ITSN2: variants seen among roughly 807,000 people sequenced by gnomAD.
ITSN2 encodes the protein intersectin-2.
A neutral mutation model predicts 243.7 loss-of-function variants in ITSN2; 156 were observed. The ratio of observed to expected loss-of-function variants is 0.64; its 90% CI spans 0.56 to 0.73. The LOEUF (loss-of-function observed/expected upper bound fraction) is 0.73, where lower values mean the gene tolerates loss of function less well. Among genes scored for constraint, ITSN2 ranks in the 30% least tolerant of loss-of-function variants. ITSN2 has a pLI of 0.00. For missense variants in ITSN2, 1,801 were observed against 1,996.1 expected (o/e 0.90, Z 1.86); for synonymous variants, 703 against 699.9 (o/e 1.00, Z -0.07).
At chr2:24,316,858 C>T (rs889431484) in intron 2 of ITSN2, among the ~76,000 whole-genome samples, 1 of 152,154 alleles carries the variant, frequency 6.6e-6, no homozygotes, top group African/African-American at 2.4e-5. Flanking sequence ...TTCTGCCCAT[C>T]GGAGCCTCTA....
chr2:24,210,275 C>A, intron 34 of ITSN2: 1 of 502,892 alleles, frequency 2.0e-6, no homozygotes, highest in Non-Finnish European at 3.6e-6. Flanking sequence ...ATTCAAAGAA[C>A]TCAAAACAAA....
intron 1 of ITSN2, among the ~76,000 whole-genome samples, chr2:24,356,337 C>T (rs1388328099): frequency 7.9e-6 from 1 of 127,298 alleles, no homozygotes; most frequent in Non-Finnish European, 1.6e-5. Context: ...CAGAGCAAGA[C>T]CCTGTCTCAA....
rs761114130 is a variant in ITSN2 at position 24,299,923 on chromosome 2, T to C, written c.1330A>G (p.Ile444Val). Residue 444 changes from isoleucine (I) to valine (V), a missense_variant, in exon 12 of 40, where the codon ATA becomes GTA. Transcript: ENST00000355123. ...RQREEERRKDIERREAAKQEL... is the reference protein window; with the variant it reads ...RQREEERRKDVERREAAKQEL... ...TTAAAAATAACCTCTCGTCTTTCTA[T>C]GTCTTTTCTCCTTTCTTCCTCTCGT... is the stretch of plus-strand genomic sequence containing the variant. 3.7e-6 allele frequency: 6 copies of C among 1,605,008 alleles called. No individual in the cohort carries two copies. Among genetic ancestry groups the C allele is most frequent in the African/African-American group, 1.3e-5 (1 of 74,188 alleles).
Position 24,259,807 on chromosome 2 carries a change from A to G in ITSN2, c.2682+1299T>C, listed in dbSNP as rs922575648. On this transcript the variant is annotated intron_variant, in intron 22 of 39. Transcript: ENST00000355123. ...AATTGAGTAAGATGATCTCTTCTATATATACCCCCTACAGACCTTGTAGAT... is the reference window on the plus strand; with the variant it reads ...AATTGAGTAAGATGATCTCTTCTATGTATACCCCCTACAGACCTTGTAGAT... 2.0e-5 allele frequency among the ~76,000 whole-genome samples: 3 copies of G among 152,146 alleles called. No homozygotes were observed. In the South Asian group the frequency reaches 6.2e-4, roughly 32 times the overall value.
chr2:24,275,575 A>C (rs1302552490), intron 18 of ITSN2, 138 bp downstream of exon 18: 1 of 545,094 alleles, frequency 1.8e-6, no homozygotes, highest in Non-Finnish European at 2.9e-6. Context: ...GATCCCTAAA[A>C]GGACTGAACT....
intron 2 of ITSN2, among the ~76,000 whole-genome samples, chr2:24,324,811 C>A (rs780208890): frequency 6.8e-5 from 9 of 133,210 alleles, no homozygotes; most frequent in Admixed American, 2.6e-4. Flanking sequence ...AATGTTCATG[C>A]CACTGTACTC....
intron 18 of ITSN2, among the ~76,000 whole-genome samples, chr2:24,274,652 A>T (rs1331132463): frequency 1.3e-5 from 2 of 152,196 alleles, no homozygotes; most frequent in African/African-American, 4.8e-5. Flanking sequence ...TATTAGAATT[A>T]TGAGGAGTAA....
chr2:24,210,816 C>G lies in ITSN2; in HGVS notation c.4221G>C (p.Trp1407Cys). The change falls in exon 34 of 40, where the codon TGG becomes TGC. Residue 1407 changes from tryptophan (W) to cysteine (C), a missense_variant. Trp to Cys is a radical substitution (Grantham distance 215). Around this residue, in one of 5 missense-constraint regions of ITSN2, gnomAD observed 928 missense variants for 1,065.4 expected, o/e 0.87. Coordinates refer to ENST00000355123, the MANE Select transcript of ITSN2 (RefSeq NM_006277.3). ...REKENSDRLE[W>C]IQAHVQCEGL... ...CTTCACACTGCACGTGCGCCTGGAT[C>G]CACTCCAGTCGGTCCGAGTTTTCCT... The G allele has an allele frequency of 6.2e-7, 1 of 1,614,056 alleles. No homozygotes were observed. Among genetic ancestry groups the G allele is most frequent in the South Asian group, 1.1e-5 (1 of 91,080 alleles).
chr2:24,316,382 G>A (rs1683932699), intron 2 of ITSN2, among the ~76,000 whole-genome samples: 1 of 152,144 alleles, frequency 6.6e-6, no homozygotes, highest in African/African-American at 2.4e-5. Context: ...CTGGGTTCAA[G>A]CAATTCTCCT....
At chr2:24,233,417 A>G (rs760416673) in intron 29 of ITSN2, among the ~76,000 whole-genome samples, 3 of 152,034 alleles carry the variant, frequency 2.0e-5, no homozygotes, top group Non-Finnish European at 2.9e-5. Context: ...ATGTAACTTG[A>G]CCAGCTTGGA....
chr2:24,227,873 C>A (rs549627863), intron 29 of ITSN2, among the ~76,000 whole-genome samples: 1 of 151,788 alleles, frequency 6.6e-6, no homozygotes, highest in Non-Finnish European at 1.5e-5. Flanking sequence ...GAGCCAAGAT[C>A]GTGCCATTGC....
rs1174619662 is a variant in ITSN2 at position 24,216,099 on chromosome 2, G to A, written c.3940C>T (p.Leu1314=). Residue 1314 remains leucine, a synonymous_variant, in exon 32 of 40, where the codon CTG becomes TTG. Transcript: ENST00000355123. Reference sequence around the variant, plus strand: ...TCTTCATCTGTCTTCTGCTGTAACAGAGCTGCTCCATTAAGCTGGCAGCTG... The same window carrying A: ...TCTTCATCTGTCTTCTGCTGTAACAAAGCTGCTCCATTAAGCTGGCAGCTG... ...FCSCQLNGAA[L]LQQKTDEDTD... 1 of 1,612,788 alleles carries A rather than the reference G, an allele frequency of 6.2e-7. No individual in the cohort carries two copies. Among genetic ancestry groups the A allele is most frequent in the South Asian group, 1.1e-5 (1 of 90,900 alleles).
At chr2:24,243,433 C>A (rs964995508) in intron 29 of ITSN2, among the ~76,000 whole-genome samples, 1 of 151,930 alleles carries the variant, frequency 6.6e-6, no homozygotes, top group South Asian at 2.1e-4. Context: ...AAAATCATTG[C>A]GTAGGTCAAT....
At chr2:24,301,117 C>CT (rs752694319) in intron 11 of ITSN2, 37 bp downstream of exon 11, 15 of 1,084,096 alleles carry the variant, frequency 1.4e-5, no homozygotes. Context: ...TTTAAAAGAA[C>CT]TCAGTATAAA....
At chr2:24,266,424 G>A (rs1442872724) in intron 20 of ITSN2, among the ~76,000 whole-genome samples, 5 of 151,804 alleles carry the variant, frequency 3.3e-5, no homozygotes, top group African/African-American at 1.2e-4. Flanking sequence ...TTATGTTTAT[G>A]GTAAATAATT....
rs1361655818 is a variant in ITSN2 at position 24,249,528 on chromosome 2, A to G, written c.3121-646T>C. ...AAAAAGAATTTTGTTCTGTTAGTGA[A>G]CATAGCTGCAGTACAAGTATTAAGC... On this transcript the variant is annotated intron_variant, in intron 25 of 39. Coordinates refer to ENST00000355123, the MANE Select transcript of ITSN2 (RefSeq NM_006277.3). This position sits in a 1 kb window ranked among gnomAD's most constrained non-coding sequence, Gnocchi z 4.4. 6.6e-6 allele frequency among the ~76,000 whole-genome samples: 1 copy of G among 152,222 alleles called. No individual in the cohort carries two copies. The highest frequency in any genetic ancestry group is 1.9e-4 in the East Asian group (1 of 5,206).
At chr2:24,287,889 G>A (rs941615797) in intron 15 of ITSN2, among the ~76,000 whole-genome samples, 1 of 152,040 alleles carries the variant, frequency 6.6e-6, no homozygotes, top group Non-Finnish European at 1.5e-5. Context: ...TTGAAATTGG[G>A]TTGTTTTTTG....
Position 24,299,897 on chromosome 2 carries a change from C to A in ITSN2, c.1344+12G>T. The stretch of plus-strand genomic sequence containing the variant: ...AATGATTTTCTTAAGAAGTAAAAAA[C>A]TTAAAAATAACCTCTCGTCTTTCTA... On this transcript the variant is annotated intron_variant, in intron 12 of 39. Coordinates refer to ENST00000355123, the MANE Select transcript of ITSN2 (RefSeq NM_006277.3). The A allele has an allele frequency of 6.3e-7, 1 of 1,575,314 alleles. No homozygotes were observed. Among genetic ancestry groups the A allele is most frequent in the South Asian group, 1.2e-5 (1 of 84,766 alleles).
chr2:24,219,815 G>A (rs1254550805), intron 30 of ITSN2, among the ~76,000 whole-genome samples: 1 of 152,168 alleles, frequency 6.6e-6, no homozygotes, highest in African/African-American at 2.4e-5. Flanking sequence ...ATCCTTGTAG[G>A]GGATTAATCA....
Sources: allele counts gnomAD v4.1 joint callset (sites outside exome capture counted in the v4.1 genomes callset), GRCh38; gene constraint gnomAD v4.1.1; regional missense constraint gnomAD v4.1.1; non-coding constraint Gnocchi (gnomAD v3.1); transcripts MANE v1.5; gene names NCBI Gene and HGNC (gene_info 2026-07-23, HGNC 2026-07-21).